The following SIM1 variants were observed in gnomAD, a reference collection of about 807,000 sequenced individuals.
SIM1 encodes single-minded homolog 1.
SIM1 carries 18 observed loss-of-function variants against 78.2 expected under a neutral mutation model. That is an observed-to-expected ratio of 0.23 (90% CI 0.16 to 0.34). The LOEUF (loss-of-function observed/expected upper bound fraction) is 0.34. SIM1 is among the 10% of genes least tolerant of loss of function. The pLI, the probability that SIM1 is intolerant of heterozygous loss-of-function variation, is 1.00. For synonymous variants in SIM1, 417 were observed against 385.2 expected (o/e 1.08, Z -0.97); for missense variants, 939 against 975.1 (o/e 0.96, Z 0.49).
chr6:100,415,428 G>A (rs543913783), intron 10 of SIM1, among the ~76,000 whole-genome samples: 1 of 152,066 alleles, frequency 6.6e-6, no homozygotes, highest in Non-Finnish European at 1.5e-5. Context: ...CTGTCATAAT[G>A]GTAAGATTGC....
chr6:100,424,163 A>C (rs1401762156), intron 9 of SIM1, among the ~76,000 whole-genome samples: 1 of 148,958 alleles, frequency 6.7e-6, no homozygotes, highest in African/African-American at 2.5e-5. Context: ...CAAATTAAAT[A>C]GGTTTAAATA....
intron 10 of SIM1, among the ~76,000 whole-genome samples, chr6:100,404,619 G>T (rs1224006189): frequency 1.3e-5 from 2 of 151,666 alleles, no homozygotes; most frequent in Non-Finnish European, 2.9e-5. Flanking sequence ...GGGAAGAACA[G>T]ATGGTGAAAG....
At position 100,390,335 on chromosome 6, in the gene SIM1, A is replaced by G. The variant is rs1292012128; in HGVS notation, c.*26T>C. The G allele has an allele frequency of 1.9e-6, 3 of 1,596,236 alleles. No individual in the cohort carries two copies. Among genetic ancestry groups the G allele is most frequent in the Non-Finnish European group, 2.6e-6 (3 of 1,171,368 alleles). ...CTATAAATATGTTTCAGAGATCCTT[A>G]AAGAACAAAATATTTCAGCAAAACA... On this transcript the variant is annotated 3_prime_UTR_variant, in exon 12 of 12. Transcript: ENST00000369208.
At chr6:100,435,785 T>G (rs1319183314) in intron 9 of SIM1, among the ~76,000 whole-genome samples, 1 of 152,108 alleles carries the variant, frequency 6.6e-6, no homozygotes, top group African/African-American at 2.4e-5. Flanking sequence ...CTATCAGAAC[T>G]CAAACCCCAA....
intron 9 of SIM1, among the ~76,000 whole-genome samples, chr6:100,422,000 C>T (rs905693770): frequency 6.9e-6 from 1 of 145,462 alleles, no homozygotes; most frequent in African/African-American, 2.4e-5. Context: ...GCACTAAAAT[C>T]AAAAGTCCCC....
chr6:100,460,445 T>C (rs1272119636), intron 2 of SIM1, among the ~76,000 whole-genome samples: 2 of 152,250 alleles, frequency 1.3e-5, no homozygotes, highest in Admixed American at 1.3e-4. Flanking sequence ...TTTTTATACC[T>C]ATAGCTATGT....
chr6:100,412,607 G>T (rs1464655885), intron 10 of SIM1, among the ~76,000 whole-genome samples: 2 of 92,892 alleles, frequency 2.2e-5, no homozygotes, highest in African/African-American at 8.1e-5. Context: ...AAGAAAGAAA[G>T]AAAGGAAAGA....
At chr6:100,463,227 G>A (rs755094001) in intron 2 of SIM1, 67 bp downstream of exon 2, 2 of 1,398,172 alleles carry the variant, frequency 1.4e-6, no homozygotes, top group South Asian at 1.3e-5. Flanking sequence ...CACTGATGTC[G>A]GCTCATTGCC....
intron 9 of SIM1, among the ~76,000 whole-genome samples, chr6:100,427,658 C>T (rs1481875877): frequency 1.3e-5 from 2 of 152,200 alleles, no homozygotes; most frequent in African/African-American, 4.8e-5. Flanking sequence ...TACCTTCACA[C>T]CAACCCATGA....
At chr6:100,398,957 GTGTATGT>G (rs1001320861) in intron 10 of SIM1, among the ~76,000 whole-genome samples, 1 of 109,232 alleles carries the variant, frequency 9.2e-6, no homozygotes, top group Non-Finnish European at 2.1e-5. Context: ...GTGTGTGTGT[GTGTATGT>G]GTAGTAGTAG....
chr6:100,420,056 T>C (rs998498465), intron 10 of SIM1, among the ~76,000 whole-genome samples: 4 of 152,234 alleles, frequency 2.6e-5, no homozygotes, highest in African/African-American at 7.2e-5. Context: ...GGCCACAGGA[T>C]ATTGGGAGTG....
intron 10 of SIM1, among the ~76,000 whole-genome samples, chr6:100,419,472 T>C (rs907081454): frequency 1.3e-5 from 2 of 152,188 alleles, no homozygotes; most frequent in African/African-American, 4.8e-5. Flanking sequence ...TTTTCTCAAA[T>C]AGTATACACT....
chr6:100,442,189 A>G (rs1772236825), intron 9 of SIM1, among the ~76,000 whole-genome samples: 1 of 152,236 alleles, frequency 6.6e-6, no homozygotes, highest in South Asian at 2.1e-4. Flanking sequence ...CAAAGTCTGT[A>G]AGTTCATGAA....
At position 100,385,614 on chromosome 6, in the gene SIM1, T is replaced by C. The variant is rs974615601; in HGVS notation, c.*4747A>G. Reference sequence around the variant, plus strand: ...GTTGCAATAAACAAAACTACAAATGTTTGGTTTAAAATTAGCAATTAGGAT... The same window carrying C: ...GTTGCAATAAACAAAACTACAAATGCTTGGTTTAAAATTAGCAATTAGGAT... On this transcript the variant is annotated 3_prime_UTR_variant, in exon 12 of 12. Coordinates refer to ENST00000369208, the MANE Select transcript of SIM1 (RefSeq NM_005068.3). The C allele has an allele frequency of 2.0e-5, 3 of 151,878 alleles. No individual in the cohort carries two copies. The highest frequency in any genetic ancestry group is 7.3e-5 in the African/African-American group (3 of 41,360). 9.4% of individuals were successfully genotyped at this position (151,878 alleles called of 1,614,324 possible).
At chr6:100,450,471 C>G (rs1163857354) in intron 3 of SIM1, 115 bp from the exon 4 acceptor site, 21 of 832,940 alleles carry the variant, frequency 2.5e-5, no homozygotes, top group Non-Finnish European at 3.0e-5. Flanking sequence ...TGGAGTGGAG[C>G]AGGTTTGGCA....
In SIM1 at chr6:100,385,717, T is replaced by A. The variant is rs1770503402; in HGVS notation, c.*4644A>T. On this transcript the variant is annotated 3_prime_UTR_variant, in exon 12 of 12. Transcript: ENST00000369208. ...TGTGTGTGTGTGTGTGTGTTATAAT[T>A]GGATATGGCACATTTTCATGAATAT... is the stretch of plus-strand genomic sequence containing the variant. The A allele has an allele frequency of 7.0e-6, 1 of 141,948 alleles. No individual in the cohort carries two copies. The highest frequency in any genetic ancestry group is 6.9e-5 in the Admixed American group (1 of 14,404). The allele number at this position is 141,948 out of a possible 1,614,324, so 8.8% of individuals were successfully genotyped here. A position where few individuals can be genotyped will look rare whatever the true frequency, so the allele number is the denominator to read the frequency against.
chr6:100,412,352 C>T (rs1222977947), intron 10 of SIM1, among the ~76,000 whole-genome samples: 3 of 151,710 alleles, frequency 2.0e-5, no homozygotes, highest in Non-Finnish European at 4.4e-5. Context: ...GCCTGGCTAA[C>T]ATGGCGAAAC....
chr6:100,424,661 A>C (rs994258356), intron 9 of SIM1, among the ~76,000 whole-genome samples: 1 of 151,600 alleles, frequency 6.6e-6, no homozygotes, highest in Non-Finnish European at 1.5e-5. Context: ...GGTTGGTCTC[A>C]TACTCCCAGG....
intron 9 of SIM1, among the ~76,000 whole-genome samples, chr6:100,425,295 G>A (rs906849853): frequency 2.0e-5 from 3 of 152,120 alleles, no homozygotes; most frequent in African/African-American, 7.2e-5. Flanking sequence ...TATCAGCAGT[G>A]TGAAAACGGA....
Sources: allele counts gnomAD v4.1 joint callset (sites outside exome capture counted in the v4.1 genomes callset), GRCh38; gene constraint gnomAD v4.1.1; transcripts MANE v1.5; gene names NCBI Gene and HGNC (gene_info 2026-07-23, HGNC 2026-07-21).